AFF3: variants seen among roughly 807,000 people sequenced by gnomAD.
The protein encoded by AFF3 is ALF transcription elongation factor 3.
Under a neutral mutation model 129.7 loss-of-function variants are expected in AFF3, and 32 were observed. The observed-to-expected ratio is 0.25, with a 90% CI of 0.19 to 0.33. AFF3 has a LOEUF of 0.33. Ranked by LOEUF, AFF3 falls within the 10% of genes least tolerant of loss-of-function variation. The pLI, the probability that AFF3 is intolerant of heterozygous loss-of-function variation, is 1.00. For missense variants in AFF3, 1,373 were observed against 1,592.0 expected (o/e 0.86, Z 2.34); for synonymous variants, 644 against 635.4 (o/e 1.01, Z -0.20).
At chr2:100,108,514 T>C (rs1411810913) in intron 2 of AFF3, among the ~76,000 whole-genome samples, 4 of 152,076 alleles carry the variant, frequency 2.6e-5, no homozygotes, top group Admixed American at 2.6e-4. Flanking sequence ...CTTCAGTACT[T>C]GTGCCCCTCC....
chr2:99,732,535 G>C (rs1442425540), intron 10 of AFF3, among the ~76,000 whole-genome samples: 2 of 152,060 alleles, frequency 1.3e-5, no homozygotes, highest in Admixed American at 1.3e-4. Flanking sequence ...ATCATGCAGT[G>C]TTATGAATTT....
chr2:99,582,882 A>G lies in AFF3; in HGVS notation c.2709T>C (p.Asn903=), dbSNP rs753512208. Residue 903 remains asparagine (N), a synonymous_variant, in exon 17 of 25, where the codon AAT becomes AAC. Coordinates refer to ENST00000672756, the MANE Select transcript of AFF3 (RefSeq NM_001386135.1). ...SEDLTSSSRP[N]GNSLFTSASS... is the part of the protein sequence containing the mutation. Reference sequence around the variant, plus strand: ...AGGCTGAAGTAAACAAACTGTTGCCATTAGGTCGGCTGGAAGAAGTTAAGT... The same window carrying G: ...AGGCTGAAGTAAACAAACTGTTGCCGTTAGGTCGGCTGGAAGAAGTTAAGT... 18 of 1,614,218 alleles carry G rather than the reference A, an allele frequency of 1.1e-5. No homozygotes were observed. The highest frequency in any genetic ancestry group is 1.5e-5 in the Non-Finnish European group (18 of 1,180,042).
chr2:99,550,548 C>G lies in AFF3; in HGVS notation c.*926G>C, dbSNP rs183842204. ...AAAGAAAAGACTTGAAACAGATTGG[C>G]TGACAAATGCCATGTGGCTCTACAG... On this transcript the variant is annotated 3_prime_UTR_variant, in exon 25 of 25. Transcript: ENST00000672756. The G allele has an allele frequency of 2.5e-4, 57 of 232,438 alleles. No homozygotes were observed. Among genetic ancestry groups the G allele is most frequent in the African/African-American group, 1.2e-3 (53 of 45,422 alleles). 14.4% of individuals were successfully genotyped at this position (232,438 alleles called of 1,614,324 possible).
chr2:99,970,056 G>A (rs1015302133), intron 7 of AFF3, among the ~76,000 whole-genome samples: 2 of 152,182 alleles, frequency 1.3e-5, no homozygotes, highest in African/African-American at 2.4e-5. Flanking sequence ...AATAGCAGAC[G>A]AATGGTGATC....
intron 7 of AFF3, among the ~76,000 whole-genome samples, chr2:99,839,426 G>C (rs1278788583): frequency 1.3e-5 from 2 of 151,640 alleles, no homozygotes; most frequent in Non-Finnish European, 2.9e-5. Context: ...AACTTTTTGA[G>C]GAACTGTCAA....
chr2:100,016,041 G>A (rs1361283650), intron 4 of AFF3, among the ~76,000 whole-genome samples: 1 of 151,448 alleles, frequency 6.6e-6, no homozygotes, highest in African/African-American at 2.4e-5. Flanking sequence ...TGGTGGTGAT[G>A]GTGATGATTG....
chr2:100,118,166 C>T (rs547571418), intron 2 of AFF3, among the ~76,000 whole-genome samples: 1 of 152,224 alleles, frequency 6.6e-6, no homozygotes, highest in East Asian at 1.9e-4. Context: ...CCCTTATATC[C>T]TAATTATTTG....
chr2:99,903,389 G>GTTAT, intron 7 of AFF3, among the ~76,000 whole-genome samples: 1 of 152,244 alleles, frequency 6.6e-6, no homozygotes, highest in African/African-American at 2.4e-5. Context: ...TTGAGTACAG[G>GTTAT]AAGAAATAAT....
chr2:99,674,292 A>C (rs1459103236), intron 11 of AFF3, among the ~76,000 whole-genome samples: 1 of 152,166 alleles, frequency 6.6e-6, no homozygotes. Context: ...CTTCAAAGAG[A>C]AGAGACCTCT....
intron 7 of AFF3, among the ~76,000 whole-genome samples, chr2:99,994,140 C>G (rs1428649740): frequency 6.6e-6 from 1 of 151,964 alleles, no homozygotes; most frequent in Non-Finnish European, 1.5e-5. Flanking sequence ...ATTCCCTGAG[C>G]TAGAACAAAC....
chr2:99,839,002 CCTT>C (rs76374940), intron 7 of AFF3, among the ~76,000 whole-genome samples: 24,754 of 152,122 alleles, frequency 0.16, 2,134 homozygotes, highest in Admixed American at 0.24. Context: ...ATGATTGAGA[CCTT>C]CTCCTACCCA....
chr2:99,828,058 T>A (rs1576117001), intron 8 of AFF3, among the ~76,000 whole-genome samples: 1 of 152,014 alleles, frequency 6.6e-6, no homozygotes, highest in South Asian at 2.1e-4. Context: ...CCTTACAAAA[T>A]TGGTTCTTGG....
At chr2:99,602,594 C>T (rs373603427) in intron 13 of AFF3, among the ~76,000 whole-genome samples, 2 of 152,260 alleles carry the variant, frequency 1.3e-5, no homozygotes, top group East Asian at 3.9e-4. Context: ...TTGAAACACA[C>T]CATACTGTGT....
chr2:100,128,600 T>C (rs535905427), intron 2 of AFF3, among the ~76,000 whole-genome samples: 1 of 152,296 alleles, frequency 6.6e-6, no homozygotes, highest in East Asian at 1.9e-4. Context: ...CAAGGAGGCT[T>C]TGAATGCGGA....
chr2:99,933,898 G>C (rs760036361), intron 7 of AFF3, among the ~76,000 whole-genome samples: 8 of 152,166 alleles, frequency 5.3e-5, no homozygotes, highest in Admixed American at 2.0e-4. Flanking sequence ...TAAAAAGGGA[G>C]GGATGGAAGA....
At chr2:100,027,557 C>T (rs1401623544) in intron 4 of AFF3, among the ~76,000 whole-genome samples, 12 of 152,150 alleles carry the variant, frequency 7.9e-5, no homozygotes, top group Non-Finnish European at 1.6e-4. Flanking sequence ...ATTTACTAAC[C>T]GTCTATTCCT....
At chr2:99,648,299 G>GTTTTATAAACTTTGAGGGT (rs57838800) in intron 13 of AFF3, among the ~76,000 whole-genome samples, 1 of 152,050 alleles carries the variant, frequency 6.6e-6, no homozygotes, top group South Asian at 2.1e-4. Flanking sequence ...CAATGACCAA[G>GTTTTATAAACTTTGAGGGT]TTTCCCTTGC....
At chr2:99,860,320 G>A (rs1388296373) in intron 7 of AFF3, among the ~76,000 whole-genome samples, 4 of 152,100 alleles carry the variant, frequency 2.6e-5, no homozygotes, top group Admixed American at 6.5e-5. Flanking sequence ...CTGGGAGGCC[G>A]AGGTGGGCAG....
At chr2:99,860,701 G>A (rs1435699644) in intron 7 of AFF3, among the ~76,000 whole-genome samples, 1 of 151,628 alleles carries the variant, frequency 6.6e-6, no homozygotes, top group African/African-American at 2.4e-5. Flanking sequence ...GCCTAGCCTG[G>A]GCAACAAGAG....
Sources: gnomAD v4.1 joint callset for allele counts (sites outside exome capture counted in the v4.1 genomes callset) on GRCh38, gnomAD v4.1.1 for gene constraint, MANE v1.5 for transcripts, NCBI Gene and HGNC (gene_info 2026-07-23, HGNC 2026-07-21) for gene names.